The following TNS3 variants were observed in gnomAD, a reference collection of about 807,000 sequenced individuals.
TNS3 encodes the protein tensin 3, also known as tensin-3.
In TNS3, 45 loss-of-function variants were observed where a neutral mutation model predicts 140.9. The observed-to-expected ratio is 0.32, with a 90% CI of 0.25 to 0.41. The LOEUF is 0.41. TNS3 is among the 10% of genes least tolerant of loss of function. The pLI, the probability that TNS3 is intolerant of heterozygous loss-of-function variation, is 1.00. For missense variants in TNS3, 1,716 were observed against 1,906.7 expected (o/e 0.90, Z 1.86); for synonymous variants, 815 against 788.4 (o/e 1.03, Z -0.56).
At chr7:47,324,764 A>C (rs1787934957) in intron 20 of TNS3, among the ~76,000 whole-genome samples, 1 of 152,172 alleles carries the variant, frequency 6.6e-6, no homozygotes, top group Non-Finnish European at 1.5e-5. Flanking sequence ...TAAATGAATA[A>C]ATATTTTTTA....
chr7:47,522,422 G>A (rs1799016382), intron 2 of TNS3, among the ~76,000 whole-genome samples: 1 of 152,106 alleles, frequency 6.6e-6, no homozygotes, highest in African/African-American at 2.4e-5. Context: ...CTCTGATGAT[G>A]GGGGCTTATC....
intron 16 of TNS3, among the ~76,000 whole-genome samples, chr7:47,387,431 T>C (rs1375267006): frequency 6.6e-6 from 1 of 152,142 alleles, no homozygotes; most frequent in Non-Finnish European, 1.5e-5. Context: ...GAAGAATCAT[T>C]TGCTTAAAGG....
chr7:47,374,970 G>A (rs1243315853), intron 16 of TNS3, among the ~76,000 whole-genome samples: 1 of 152,218 alleles, frequency 6.6e-6, no homozygotes, highest in South Asian at 2.1e-4. Context: ...TATTAGGGCT[G>A]ACACTGCTGT....
chr7:47,297,375 A>G (rs1786098074), intron 23 of TNS3, among the ~76,000 whole-genome samples, 162 bp from the exon 24 acceptor site: 1 of 151,796 alleles, frequency 6.6e-6, no homozygotes, highest in South Asian at 2.1e-4. Context: ...CTACATGTCC[A>G]TGCAGTTGAG....
Position 47,283,784 on chromosome 7 carries a change from G to GTGA in TNS3, c.4007_4009dup (p.Ile1336dup), listed in dbSNP as rs1487874608. 2 of 1,612,872 alleles carry GTGA rather than the reference G, an allele frequency of 1.2e-6. No homozygotes were observed. Among genetic ancestry groups the GTGA allele is most frequent in the Non-Finnish European group, 1.7e-6 (2 of 1,179,380 alleles). ...CACAGGTGGAGGCTCCTGGACCAGG[G>GTGA]TGATGCTCAGGGCCTTCTGGATCGC... On this transcript the variant is annotated inframe_insertion, in exon 28 of 31. Transcript: ENST00000311160.
At chr7:47,290,889 T>C (rs1785658175) in intron 27 of TNS3, among the ~76,000 whole-genome samples, 1 of 152,212 alleles carries the variant, frequency 6.6e-6, no homozygotes, top group South Asian at 2.1e-4. Context: ...CATGGGTGTT[T>C]AGAGCAGCAT....
At chr7:47,435,170 A>C in intron 8 of TNS3, 112 bp downstream of exon 8, 1 of 1,405,106 alleles carries the variant, frequency 7.1e-7, no homozygotes, top group Non-Finnish European at 9.6e-7. Context: ...CATAAGGAGC[A>C]CATCGCACCA....
At chr7:47,393,567 C>T (rs978311051) in intron 16 of TNS3, among the ~76,000 whole-genome samples, 2 of 152,276 alleles carry the variant, frequency 1.3e-5, no homozygotes, top group Non-Finnish European at 2.9e-5. Context: ...CCCTGTCACT[C>T]CACCTCCCTG....
chr7:47,283,802 T>C lies in TNS3; in HGVS notation c.3992A>G (p.Gln1331Arg). 1 of 1,612,244 alleles carries C rather than the reference T, an allele frequency of 6.2e-7. No individual in the cohort carries two copies. Among genetic ancestry groups the C allele is most frequent in the African/African-American group, 1.3e-5 (1 of 74,962 alleles). The change falls in exon 28 of 31, where the codon CAG (glutamine) becomes CGG (arginine). Residue 1331 changes from glutamine (Q) to arginine (R), a missense_variant. Coordinates refer to ENST00000311160, the MANE Select transcript of TNS3 (RefSeq NM_022748.12). ...GACCAGGGTGATGCTCAGGGCCTTC[T>C]GGATCGCCTGGTGGCCGGTGAGGGA... Reference protein sequence around the residue: ...MESLTGHQAIQKALSITLVQE... With the variant: ...MESLTGHQAIRKALSITLVQE...
Position 47,529,093 on chromosome 7 carries a change from A to G in TNS3, c.-210T>C. ...TGTTTGCAAACTCCACACACTTTGG[A>G]TTTTTTAAAGGCCTTGTTCTTAAAA... On this transcript the variant is annotated 5_prime_UTR_variant, in exon 2 of 31. Coordinates refer to ENST00000311160, the MANE Select transcript of TNS3 (RefSeq NM_022748.12). The G allele has an allele frequency of 1.6e-6, 2 of 1,289,102 alleles. No homozygotes were observed. The highest frequency in any genetic ancestry group is 2.0e-6 in the Non-Finnish European group (2 of 988,740). The allele number at this position is 1,289,102 out of a possible 1,614,324, so 79.9% of individuals were successfully genotyped here.
At chr7:47,365,670 G>A (rs915205146) in intron 17 of TNS3, among the ~76,000 whole-genome samples, 1 of 152,098 alleles carries the variant, frequency 6.6e-6, no homozygotes, top group African/African-American at 2.4e-5. Context: ...TGAGGCAGGA[G>A]AATGGTGCGA....
intron 28 of TNS3, among the ~76,000 whole-genome samples, chr7:47,281,110 T>A (rs6959292): frequency 6.6e-6 from 1 of 152,026 alleles, no homozygotes; most frequent in Non-Finnish European, 1.5e-5. Flanking sequence ...ACAGGACAGA[T>A]GCCCAAGTCA....
intron 15 of TNS3, among the ~76,000 whole-genome samples, chr7:47,398,361 C>CAA (rs530398332): frequency 0.029 from 4,382 of 150,816 alleles, 98 homozygotes; most frequent in Non-Finnish European, 0.046. Context: ...ATATAACAAA[C>CAA]AAACAAACAA....
chr7:47,521,305 G>A (rs1798968380), intron 2 of TNS3, among the ~76,000 whole-genome samples: 1 of 152,148 alleles, frequency 6.6e-6, no homozygotes, highest in African/African-American at 2.4e-5. Context: ...CACTACTCCA[G>A]CCCACTAGAC....
intron 10 of TNS3, among the ~76,000 whole-genome samples, chr7:47,421,728 A>T (rs538648084): frequency 2.2e-4 from 34 of 152,276 alleles, no homozygotes; most frequent in African/African-American, 8.2e-4. Flanking sequence ...GCTGAAGACA[A>T]GGAAGGTATA....
At chr7:47,391,264 A>G (rs1199153144) in intron 16 of TNS3, among the ~76,000 whole-genome samples, 1 of 152,166 alleles carries the variant, frequency 6.6e-6, no homozygotes, top group Admixed American at 6.5e-5. Flanking sequence ...AATTCCTGGT[A>G]CCCAATTATG....
intron 18 of TNS3, 57 bp downstream of exon 18, chr7:47,346,130 A>G: frequency 6.3e-6 from 10 of 1,592,448 alleles, no homozygotes; most frequent in Non-Finnish European, 8.6e-6. Flanking sequence ...TCGGGGTTCC[A>G]GGACAAGAAA....
Position 47,275,516 on chromosome 7 carries a change from C to CA in TNS3, c.*2559dup, listed in dbSNP as rs1784835558. 3.2e-6 allele frequency: 1 copy of CA among 313,670 alleles called. No individual in the cohort carries two copies. The allele number at this position is 313,670 out of a possible 1,614,324, so 19.4% of individuals were successfully genotyped here. A position where few individuals can be genotyped will look rare whatever the true frequency, so the allele number is the denominator to read the frequency against. On this transcript the variant is annotated 3_prime_UTR_variant, in exon 31 of 31. Transcript: ENST00000311160. The stretch of plus-strand genomic sequence containing the variant: ...GCCTGTCCAGCGGGAGCCCTGGAGA[C>CA]AAAATGCCTGGAAACGTTCCTTTTC...
intron 16 of TNS3, among the ~76,000 whole-genome samples, chr7:47,389,022 A>C (rs796423374): frequency 3.5e-4 from 1 of 2,832 alleles, no homozygotes. Context: ...GAAGAAGAAG[A>C]AGAAGAAGAA....
Sources: allele counts gnomAD v4.1 joint callset (sites outside exome capture counted in the v4.1 genomes callset), GRCh38; gene constraint gnomAD v4.1.1; transcripts MANE v1.5; gene names NCBI Gene and HGNC (gene_info 2026-07-23, HGNC 2026-07-21).